The following OPRM1 variants were observed in gnomAD, a reference collection of about 807,000 sequenced individuals.
OPRM1 encodes the protein mu-type opioid receptor.
OPRM1 carries 27 observed loss-of-function variants against 31.8 expected under a neutral mutation model. That is an observed-to-expected ratio of 0.85 (90% CI 0.63 to 1.17). The LOEUF is 1.17. OPRM1 is among the 50% of genes most tolerant of loss of function. The pLI is 0.00. For synonymous variants in OPRM1, 196 were observed against 189.9 expected (o/e 1.03, Z -0.26); for missense variants, 536 against 511.1 (o/e 1.05, Z -0.47).
chr6:154,101,960 G>A (rs1260421324), intron 3 of OPRM1, among the ~76,000 whole-genome samples: 1 of 152,070 alleles, frequency 6.6e-6, no homozygotes, highest in Admixed American at 6.5e-5. Context: ...TTTTTTTGGA[G>A]ACAGGATTTA....
chr6:154,152,342 A>G lies in OPRM1; in HGVS notation c.1164+60870A>G, dbSNP rs1302626925. Among the ~76,000 whole-genome samples, 8 of 19,572 alleles carry G rather than the reference A, an allele frequency of 4.1e-4. No homozygotes were observed. In the East Asian group the frequency reaches 0.037, roughly 91 times the overall value. The allele number at this position is 19,572 out of a possible 152,430, so 12.8% of individuals were successfully genotyped here. On this transcript the variant is annotated intron_variant, in intron 3 of 3. Transcript: ENST00000337049. The stretch of plus-strand genomic sequence containing the variant: ...AAGAAAGAAAGAAAGAAAGAAAGAA[A>G]GAAAGGAAAGAAAGAAAGAAAGAAA...
At chr6:154,020,823 G>A (rs1300124884) in intron 1 of OPRM1, among the ~76,000 whole-genome samples, 2 of 152,188 alleles carry the variant, frequency 1.3e-5, no homozygotes, top group African/African-American at 4.8e-5. Context: ...TTTGCCACGT[G>A]TATGTCTTCT....
intron 1 of OPRM1, among the ~76,000 whole-genome samples, chr6:154,015,788 G>A (rs998329652): frequency 6.6e-6 from 1 of 151,488 alleles, no homozygotes; most frequent in South Asian, 2.1e-4. Flanking sequence ...AGAAAAAACA[G>A]ACCCTATTTT....
At chr6:154,142,523 C>T (rs958124406) in intron 3 of OPRM1, among the ~76,000 whole-genome samples, 1 of 152,094 alleles carries the variant, frequency 6.6e-6, no homozygotes, top group Non-Finnish European at 1.5e-5. Context: ...ATGCAGGCGG[C>T]TCTCCCTGAA....
Position 154,051,708 on chromosome 6 carries a change from A to T in OPRM1, c.290+11874A>T, listed in dbSNP as rs139228192. On this transcript the variant is annotated intron_variant, in intron 1 of 3. Transcript: ENST00000330432. ...ACTGGTGAGGCCATGGAGAAAGAGGAACGCTTTTACACTGTTGGTGGGAAT... is the reference window on the plus strand; with the variant it reads ...ACTGGTGAGGCCATGGAGAAAGAGGTACGCTTTTACACTGTTGGTGGGAAT... Among the ~76,000 whole-genome samples the T allele has an allele frequency of 5.9e-3, 895 of 152,344 alleles. 6 individuals carry two copies. The highest frequency in any genetic ancestry group is 0.02 in the African/African-American group (852 of 41,576).
chr6:154,109,790 CTCTGTGTG>C (rs1319642039), intron 3 of OPRM1, among the ~76,000 whole-genome samples: 81 of 77,030 alleles, frequency 1.1e-3, no homozygotes, highest in South Asian at 1.8e-3. Flanking sequence ...CTCTCTCTCT[CTCTGTGTG>C]TGTGTGTGTG....
At chr6:154,192,919 G>T (rs897709259) in intron 3 of OPRM1, among the ~76,000 whole-genome samples, 20 of 152,194 alleles carry the variant, frequency 1.3e-4, no homozygotes, top group African/African-American at 4.8e-4. Context: ...CTGCTGGTGG[G>T]AATGTAAACT....
intron 3 of OPRM1, among the ~76,000 whole-genome samples, chr6:154,105,522 A>C (rs1011334314): frequency 6.6e-6 from 1 of 152,206 alleles, no homozygotes; most frequent in Non-Finnish European, 1.5e-5. Flanking sequence ...TTAGAGTTCT[A>C]TAGTTGATTA....
At chr6:154,169,886 C>T (rs1208736249) in intron 3 of OPRM1, among the ~76,000 whole-genome samples, 1 of 152,198 alleles carries the variant, frequency 6.6e-6, no homozygotes, top group Non-Finnish European at 1.5e-5. Flanking sequence ...GATAAGTAAT[C>T]TCTCTTTTTT....
chr6:154,226,481 A>G (rs559850998), intron 3 of OPRM1, among the ~76,000 whole-genome samples: 40 of 149,776 alleles, frequency 2.7e-4, no homozygotes, highest in South Asian at 2.1e-3. Context: ...GACATCCCCA[A>G]CTCTTCCATT....
intron 3 of OPRM1, among the ~76,000 whole-genome samples, chr6:154,167,635 T>C (rs1799545339): frequency 6.6e-6 from 1 of 152,164 alleles, no homozygotes; most frequent in South Asian, 2.1e-4. Flanking sequence ...AAAAACAAAT[T>C]ATGCATGGTC....
At chr6:154,166,544 T>C (rs1218762974) in intron 3 of OPRM1, among the ~76,000 whole-genome samples, 1 of 152,236 alleles carries the variant, frequency 6.6e-6, no homozygotes, top group African/African-American at 2.4e-5. Flanking sequence ...GTGTTCCTAA[T>C]GCCTCCAGTA....
intron 3 of OPRM1, among the ~76,000 whole-genome samples, chr6:154,100,188 CAT>C (rs74746098): frequency 1.3e-3 from 19 of 14,522 alleles, no homozygotes; most frequent in African/African-American, 5.0e-3. Context: ...CATATTATGA[CAT>C]ATCATAATAT....
At chr6:154,064,950 C>G (rs185914645) in intron 1 of OPRM1, among the ~76,000 whole-genome samples, 18 of 152,008 alleles carry the variant, frequency 1.2e-4, no homozygotes, top group African/African-American at 4.3e-4. Flanking sequence ...CCTTCTTTTT[C>G]AAGATTATTT....
intron 1 of OPRM1, among the ~76,000 whole-genome samples, chr6:154,019,747 C>CTTTTTTTTTTTTTTT (rs373120574): frequency 5.7e-5 from 7 of 122,014 alleles, no homozygotes; most frequent in Non-Finnish European, 1.0e-4. Flanking sequence ...CTTTTCTTTT[C>CTTTTTTTTTTTTTTT]TTTTTTTTTT....
At chr6:154,226,621 T>C (rs1779273150) in intron 3 of OPRM1, among the ~76,000 whole-genome samples, 1 of 152,108 alleles carries the variant, frequency 6.6e-6, no homozygotes, top group Admixed American at 6.5e-5. Context: ...ACCGCAAAAG[T>C]CTCCTCAACT....
At chr6:154,018,193 TG>T (rs567167751) in intron 1 of OPRM1, among the ~76,000 whole-genome samples, 30 of 152,032 alleles carry the variant, frequency 2.0e-4, no homozygotes, top group Non-Finnish European at 3.8e-4. Flanking sequence ...CCGAGGTGGA[TG>T]GATCACTTGA....
chr6:154,052,861 A>G (rs1174803996), intron 1 of OPRM1, among the ~76,000 whole-genome samples: 1 of 152,206 alleles, frequency 6.6e-6, no homozygotes, highest in Middle Eastern at 3.2e-3. Flanking sequence ...AAAAACCTAG[A>G]CCAACTCACA....
intron 3 of OPRM1, among the ~76,000 whole-genome samples, chr6:154,245,406 A>G (rs1352578021): frequency 6.6e-6 from 1 of 152,192 alleles, no homozygotes; most frequent in Non-Finnish European, 1.5e-5. Context: ...GCTTATTCCC[A>G]GCACTGGAAT....
Sources: allele counts gnomAD v4.1 joint callset (sites outside exome capture counted in the v4.1 genomes callset), GRCh38; gene constraint gnomAD v4.1.1; transcripts MANE v1.5; gene names NCBI Gene and HGNC (gene_info 2026-07-23, HGNC 2026-07-21).